GRIK2: variants seen among roughly 807,000 people sequenced by gnomAD.
The protein encoded by GRIK2 is glutamate ionotropic receptor kainate type subunit 2, also known as glutamate receptor ionotropic, kainate 2.
A neutral mutation model predicts 100.3 loss-of-function variants in GRIK2; 32 were observed. The ratio of observed to expected loss-of-function variants is 0.32; its 90% CI spans 0.24 to 0.43. The LOEUF is 0.43. Among genes scored for constraint, GRIK2 ranks in the 20% least tolerant of loss-of-function variants. GRIK2 has a pLI of 1.00. For missense variants in GRIK2, 843 were observed against 1,114.9 expected (o/e 0.76, Z 3.47); for synonymous variants, 417 against 389.4 (o/e 1.07, Z -0.83).
At chr6:102,031,892 G>C (rs56064528) in intron 14 of GRIK2, among the ~76,000 whole-genome samples, 12,674 of 150,644 alleles carry the variant, frequency 0.084, 1,810 homozygotes, top group African/African-American at 0.29. Context: ...AAGTTGCACT[G>C]GGAAAAGTTA....
At chr6:101,422,101 A>G (rs971897850) in intron 2 of GRIK2, among the ~76,000 whole-genome samples, 1 of 152,218 alleles carries the variant, frequency 6.6e-6, no homozygotes, top group African/African-American at 2.4e-5. Context: ...ACATACACAA[A>G]TAGCAGCAGT....
chr6:101,993,162 CT>C (rs1383738106), intron 14 of GRIK2: 2 of 150,874 alleles, frequency 1.3e-5, no homozygotes, highest in Non-Finnish European at 3.0e-5. Context: ...ACATATTCTT[CT>C]TCTGCTTTCT....
chr6:102,006,388 A>ATGT (rs1391488839), intron 14 of GRIK2, among the ~76,000 whole-genome samples: 1 of 111,920 alleles, frequency 8.9e-6, no homozygotes, highest in African/African-American at 5.3e-5. Flanking sequence ...ATATATATAT[A>ATGT]TATTTTTTTT....
chr6:102,051,251 CCCTTCCTTCCTTCCTTCCTTCCTT>C (rs369459574), intron 15 of GRIK2, among the ~76,000 whole-genome samples: 33 of 122,142 alleles, frequency 2.7e-4, no homozygotes, highest in East Asian at 5.6e-4. Context: ...TTCCCTCCCT[CCCTTCCTTCCTTCCTTCCTTCCTT>C]CCTTCCTTCC....
intron 10 of GRIK2, among the ~76,000 whole-genome samples, chr6:101,837,773 A>T (rs923535066): frequency 1.3e-5 from 2 of 152,170 alleles, no homozygotes; most frequent in Non-Finnish European, 2.9e-5. Flanking sequence ...CTTGGTACAG[A>T]TTATGGACCT....
intron 12 of GRIK2, among the ~76,000 whole-genome samples, chr6:101,912,118 CGAGA>C (rs1479052949): frequency 1.6e-5 from 2 of 128,844 alleles, no homozygotes; most frequent in African/African-American, 5.9e-5. Context: ...ACACAGAGAC[CGAGA>C]GAGAGAAATC....
At chr6:101,525,777 T>C (rs1367388575) in intron 2 of GRIK2, among the ~76,000 whole-genome samples, 3 of 152,214 alleles carry the variant, frequency 2.0e-5, no homozygotes, top group African/African-American at 7.2e-5. Context: ...GAAAATAATG[T>C]GCATGTGTAA....
intron 14 of GRIK2, among the ~76,000 whole-genome samples, chr6:101,994,550 A>C (rs1794551043): frequency 6.6e-6 from 1 of 151,844 alleles, no homozygotes; most frequent in Admixed American, 6.6e-5. Flanking sequence ...AACTCACAAT[A>C]ATCTTGGAAA....
At chr6:101,549,984 A>C (rs941902031) in intron 2 of GRIK2, among the ~76,000 whole-genome samples, 1 of 152,210 alleles carries the variant, frequency 6.6e-6, no homozygotes, top group Non-Finnish European at 1.5e-5. Flanking sequence ...GCTCTTAACC[A>C]TCACACCACC....
intron 2 of GRIK2, among the ~76,000 whole-genome samples, chr6:101,403,543 C>T (rs754858324): frequency 1.3e-5 from 2 of 152,184 alleles, no homozygotes; most frequent in Non-Finnish European, 2.9e-5. Context: ...ATAAAATCAA[C>T]GTGAGAGAGA....
intron 15 of GRIK2, among the ~76,000 whole-genome samples, chr6:102,053,473 A>T (rs1771308263): frequency 6.6e-6 from 1 of 152,146 alleles, no homozygotes; most frequent in Admixed American, 6.6e-5. Flanking sequence ...AAATGCTTTT[A>T]GTCAGTTATT....
At chr6:101,677,510 G>A (rs979666259) in intron 5 of GRIK2, among the ~76,000 whole-genome samples, 2 of 152,210 alleles carry the variant, frequency 1.3e-5, no homozygotes, top group African/African-American at 4.8e-5. Flanking sequence ...GCATTATTCA[G>A]ACCTAACAGC....
At chr6:101,793,738 A>G (rs1026797767) in intron 7 of GRIK2, among the ~76,000 whole-genome samples, 1 of 152,108 alleles carries the variant, frequency 6.6e-6, no homozygotes, top group African/African-American at 2.4e-5. Flanking sequence ...CTCTCTTCAA[A>G]GCTGTCAGAC....
At chr6:101,917,980 T>A (rs1303148899) in intron 12 of GRIK2, among the ~76,000 whole-genome samples, 1 of 151,680 alleles carries the variant, frequency 6.6e-6, no homozygotes, top group Non-Finnish European at 1.5e-5. Context: ...TCTATTTTGT[T>A]TAAGACAAAT....
chr6:101,462,998 C>A (rs573349758), intron 2 of GRIK2, among the ~76,000 whole-genome samples: 15 of 152,124 alleles, frequency 9.9e-5, no homozygotes, highest in African/African-American at 3.6e-4. Context: ...TTTAAAAAGC[C>A]TATATATATT....
At position 101,846,656 on chromosome 6, in the gene GRIK2, T is replaced by TGGAGGTTCTGGATGACTG. The variant is rs1268797185; in HGVS notation, c.1318-12629_1318-12612dup. On this transcript the variant is annotated intron_variant, in intron 10 of 16. Transcript: ENST00000369134. ...AGTTATTTGGTTCTGGGATTTTCTTTGGAGGTTCTGGATGACTGGTTCAAT... is the reference window on the plus strand; with the variant it reads ...AGTTATTTGGTTCTGGGATTTTCTTTGGAGGTTCTGGATGACTGGGAGGTTCTGGATGACTGGTTCAAT... 5.6e-4 allele frequency among the ~76,000 whole-genome samples: 85 copies of TGGAGGTTCTGGATGACTG among 152,180 alleles called. No individual in the cohort carries two copies. In the Middle Eastern group the frequency reaches 0.01, roughly 18 times the overall value.
intron 7 of GRIK2, among the ~76,000 whole-genome samples, chr6:101,687,894 G>T (rs944473012): frequency 2.0e-5 from 3 of 151,096 alleles, no homozygotes; most frequent in Non-Finnish European, 4.4e-5. Context: ...AGTGGAGCCA[G>T]ATTTAAAATA....
Position 101,891,516 on chromosome 6 carries a change from C to CAAAAAAAA in GRIK2, c.1748+1667_1748+1674dup, listed in dbSNP as rs5878701. On this transcript the variant is annotated intron_variant, in intron 12 of 16. Transcript: ENST00000369134. ...TGGGAGATATAGCAGGACTCCATCT[C>CAAAAAAAA]AAAAAAAAAAAAAAAAAAAAAGGTG... is the stretch of plus-strand genomic sequence containing the variant. 201 of 198,352 alleles carry CAAAAAAAA rather than the reference C, an allele frequency of 1.0e-3. 2 individuals carry two copies. In the African/African-American group the frequency reaches 0.012, roughly 12 times the overall value. 12.3% of individuals were successfully genotyped at this position (198,352 alleles called of 1,614,324 possible).
chr6:101,710,650 GT>G (rs1773635331), intron 7 of GRIK2, among the ~76,000 whole-genome samples: 1 of 151,714 alleles, frequency 6.6e-6, no homozygotes. Context: ...ATCACTGAGG[GT>G]TGTTCATAGC....
Sources: gnomAD v4.1 joint callset for allele counts (sites outside exome capture counted in the v4.1 genomes callset) on GRCh38, gnomAD v4.1.1 for gene constraint, MANE v1.5 for transcripts, NCBI Gene and HGNC (gene_info 2026-07-23, HGNC 2026-07-21) for gene names.